Variants in C8orf34 observed in about 807,000 individuals in gnomAD.
C8orf34 encodes chromosome 8 open reading frame 34, also known as uncharacterized protein C8orf34.
C8orf34 carries 65 observed loss-of-function variants against 68.3 expected under a neutral mutation model. That is an observed-to-expected ratio of 0.95 (90% CI 0.78 to 1.17). The LOEUF (loss-of-function observed/expected upper bound fraction) is 1.17, where lower values mean the gene tolerates loss of function less well. C8orf34 is among the 50% of genes most tolerant of loss of function. The pLI, the probability that C8orf34 is intolerant of heterozygous loss-of-function variation, is 0.00. For synonymous variants in C8orf34, 244 were observed against 241.2 expected, an observed-to-expected ratio of 1.01 and a Z score of -0.11; for missense variants, 664 against 655.4, an observed-to-expected ratio of 1.01 and a Z score of -0.14.
intron 8 of C8orf34, among the ~76,000 whole-genome samples, chr8:68,647,892 A>G (rs1373035260): frequency 6.6e-6 from 1 of 152,202 alleles, no homozygotes; most frequent in Non-Finnish European, 1.5e-5. Context: ...TGTGTGATTT[A>G]AACAGAGAAA....
At chr8:68,439,696 A>C (rs548085104) in intron 2 of C8orf34, 50 bp downstream of exon 2, 1 of 1,553,928 alleles carries the variant, frequency 6.4e-7, no homozygotes, top group East Asian at 2.3e-5. Flanking sequence ...TTAATGTCAA[A>C]ATTTCAAAAC....
chr8:68,657,354 G>A (rs1411420178), intron 8 of C8orf34, among the ~76,000 whole-genome samples: 1 of 152,142 alleles, frequency 6.6e-6, no homozygotes, highest in Non-Finnish European at 1.5e-5. Flanking sequence ...TCTCATGCAT[G>A]GAATTAGTGT....
chr8:68,425,175 T>C (rs1810156326), intron 1 of C8orf34, among the ~76,000 whole-genome samples: 2 of 152,162 alleles, frequency 1.3e-5, no homozygotes, highest in African/African-American at 4.8e-5. Flanking sequence ...CAGCTAACAT[T>C]ATACTTAATT....
chr8:68,420,215 G>T (rs1235612448), intron 1 of C8orf34, among the ~76,000 whole-genome samples: 1 of 150,768 alleles, frequency 6.6e-6, no homozygotes, highest in African/African-American at 2.4e-5. Flanking sequence ...AAGGGCAACA[G>T]TTGGAGACTA....
intron 10 of C8orf34, among the ~76,000 whole-genome samples, chr8:68,724,182 TA>T (rs904378764): frequency 2.0e-5 from 3 of 151,988 alleles, no homozygotes; most frequent in Admixed American, 6.6e-5. Flanking sequence ...ATAGAGTTTC[TA>T]AAAAAAACTT....
intron 7 of C8orf34, among the ~76,000 whole-genome samples, chr8:68,582,114 A>G (rs1039395749): frequency 1.3e-5 from 2 of 152,168 alleles, no homozygotes; most frequent in Non-Finnish European, 2.9e-5. Flanking sequence ...ATCTTACTTA[A>G]TCAGAGTTTT....
chr8:68,803,744 G>T (rs1288377581), intron 12 of C8orf34, among the ~76,000 whole-genome samples: 2 of 152,084 alleles, frequency 1.3e-5, no homozygotes, highest in Non-Finnish European at 2.9e-5. Context: ...ATAGTTTTGT[G>T]CAGGTAATAA....
At chr8:68,720,418 A>G (rs547871677) in intron 9 of C8orf34, among the ~76,000 whole-genome samples, 2 of 151,914 alleles carry the variant, frequency 1.3e-5, no homozygotes, top group Non-Finnish European at 2.9e-5. Flanking sequence ...GGTTTGAAAG[A>G]TTTCATGCTC....
Position 68,673,967 on chromosome 8 carries a change from G to A in C8orf34, c.1241+33456G>A, listed in dbSNP as rs1585709496. ...ACTTTGTTTGTTTGGGAGAAATTAA[G>A]GGAAGAGAACAAGAGTCTGCCTGGT... On this transcript the variant is annotated intron_variant, in intron 8 of 13. Transcript: ENST00000518698. Among the ~76,000 whole-genome samples, 3 of 152,310 alleles carry A rather than the reference G, an allele frequency of 2.0e-5. No homozygotes were observed. In the East Asian group the frequency reaches 5.8e-4, roughly 29 times the overall value.
intron 4 of C8orf34, among the ~76,000 whole-genome samples, chr8:68,475,751 C>G (rs552930263): frequency 2.0e-5 from 3 of 152,204 alleles, no homozygotes; most frequent in Admixed American, 2.0e-4. Flanking sequence ...CTTCGTGAGG[C>G]ACTATTCCCA....
intron 7 of C8orf34, among the ~76,000 whole-genome samples, chr8:68,544,279 G>T (rs541202489): frequency 6.6e-6 from 1 of 152,156 alleles, no homozygotes; most frequent in Non-Finnish European, 1.5e-5. Context: ...GGGACACATC[G>T]TAGAGCTTTT....
At chr8:68,564,932 G>A (rs1816540084) in intron 7 of C8orf34, among the ~76,000 whole-genome samples, 3 of 152,158 alleles carry the variant, frequency 2.0e-5, no homozygotes, top group South Asian at 4.1e-4. Flanking sequence ...GGAGGAAGCC[G>A]ACTCTGCTGT....
At chr8:68,351,497 C>A (rs1806511781) in intron 1 of C8orf34, among the ~76,000 whole-genome samples, 1 of 151,974 alleles carries the variant, frequency 6.6e-6, no homozygotes, top group South Asian at 2.1e-4. Flanking sequence ...AATTTGACTA[C>A]TGACCTCTCT....
intron 1 of C8orf34, among the ~76,000 whole-genome samples, chr8:68,349,778 GT>G (rs1400327343): frequency 6.6e-6 from 1 of 151,566 alleles, no homozygotes; most frequent in Admixed American, 6.6e-5. Context: ...TCTGATGGTT[GT>G]TTTTATTTCT....
At chr8:68,786,231 A>C (rs1164204228) in intron 11 of C8orf34, among the ~76,000 whole-genome samples, 1 of 152,198 alleles carries the variant, frequency 6.6e-6, no homozygotes, top group African/African-American at 2.4e-5. Flanking sequence ...GGCTCAATAA[A>C]TTTAAAGTCG....
chr8:68,708,164 ATAAG>A (rs761413067), intron 8 of C8orf34, among the ~76,000 whole-genome samples: 13 of 152,198 alleles, frequency 8.5e-5, no homozygotes, highest in Non-Finnish European at 1.8e-4. Context: ...ACAGAAGGTA[ATAAG>A]TAAGTATAAA....
chr8:68,666,703 T>C (rs1269655199), intron 8 of C8orf34, among the ~76,000 whole-genome samples: 1 of 152,182 alleles, frequency 6.6e-6, no homozygotes, highest in East Asian at 1.9e-4. Context: ...TAAAATTTGC[T>C]TGCGTGTATT....
intron 1 of C8orf34, among the ~76,000 whole-genome samples, chr8:68,437,356 A>G (rs1810708163): frequency 6.6e-6 from 1 of 152,224 alleles, no homozygotes; most frequent in Admixed American, 6.5e-5. Flanking sequence ...GTGTCAGGAT[A>G]GAAATGGCTG....
intron 10 of C8orf34, among the ~76,000 whole-genome samples, chr8:68,723,918 G>T (rs1373523901): frequency 2.0e-5 from 3 of 152,056 alleles, no homozygotes; most frequent in Admixed American, 2.0e-4. Context: ...CAATGCAAAA[G>T]TTTGTTATAG....
Sources: allele counts gnomAD v4.1 joint callset (sites outside exome capture counted in the v4.1 genomes callset), GRCh38; gene constraint gnomAD v4.1.1; transcripts MANE v1.5; gene names NCBI Gene and HGNC (gene_info 2026-07-23, HGNC 2026-07-21).